The following ZNF407 variants were observed in gnomAD, a reference collection of about 807,000 sequenced individuals.
The protein encoded by ZNF407 is zinc finger protein 407.
ZNF407 carries 17 observed loss-of-function variants against 131.2 expected under a neutral mutation model. The ratio of observed to expected loss-of-function variants is 0.13; its 90% CI spans 0.09 to 0.19. The LOEUF is 0.19. Ranked by LOEUF, ZNF407 falls within the 10% of genes least tolerant of loss-of-function variation. The probability of loss-of-function intolerance (pLI) is 1.00; values close to 1 mark genes in which losing one functional copy is unlikely to be tolerated. For synonymous variants in ZNF407, 1,156 were observed against 1,062.0 expected (o/e 1.09, Z -1.72); for missense variants, 2,681 against 2,830.6 (o/e 0.95, Z 1.20).
chr18:74,867,767 C>T (rs72977460), intron 4 of ZNF407, among the ~76,000 whole-genome samples: 20,427 of 152,128 alleles, frequency 0.13, 1,446 homozygotes, highest in Middle Eastern at 0.27. Context: ...TATTTTCTAG[C>T]CATACTATTA....
chr18:75,019,197 A>G (rs1973078506), intron 8 of ZNF407, among the ~76,000 whole-genome samples: 1 of 152,204 alleles, frequency 6.6e-6, no homozygotes, highest in South Asian at 2.1e-4. Context: ...TTTATCCCAC[A>G]AAAAATTTGA....
At chr18:74,686,467 A>G (rs1288392298) in intron 3 of ZNF407, among the ~76,000 whole-genome samples, 2 of 152,144 alleles carry the variant, frequency 1.3e-5, no homozygotes, top group Non-Finnish European at 1.5e-5. Context: ...TGCCAGGCCC[A>G]GGTCTGTATT....
intron 8 of ZNF407, among the ~76,000 whole-genome samples, chr18:74,989,842 CAAA>C (rs34483149): frequency 9.7e-6 from 1 of 103,404 alleles, no homozygotes. Flanking sequence ...AACTCTGTCT[CAAA>C]AAAAAAAAAA....
At chr18:74,882,929 C>A (rs1971257536) in intron 6 of ZNF407, among the ~76,000 whole-genome samples, 1 of 152,194 alleles carries the variant, frequency 6.6e-6, no homozygotes, top group African/African-American at 2.4e-5. Flanking sequence ...TTGAAGTTCA[C>A]CTTGTCCCAC....
chr18:75,059,539 A>G (rs1439150910), intron 8 of ZNF407, among the ~76,000 whole-genome samples: 2 of 152,226 alleles, frequency 1.3e-5, no homozygotes, highest in Admixed American at 6.5e-5. Context: ...ACGGACAGAA[A>G]CAAATCAAGG....
intron 8 of ZNF407, among the ~76,000 whole-genome samples, chr18:74,941,214 A>G (rs528329880): frequency 1.3e-5 from 2 of 152,326 alleles, no homozygotes; most frequent in African/African-American, 4.8e-5. Flanking sequence ...AGCAATAACA[A>G]AGGACTTTCA....
intron 4 of ZNF407, among the ~76,000 whole-genome samples, chr18:74,789,570 C>T (rs899827839): frequency 6.6e-6 from 1 of 152,132 alleles, no homozygotes; most frequent in Non-Finnish European, 1.5e-5. Context: ...TTTCCTCTGT[C>T]TGTAAGAGAA....
At chr18:74,658,259 C>T (rs1408445063) in intron 3 of ZNF407, among the ~76,000 whole-genome samples, 1 of 152,082 alleles carries the variant, frequency 6.6e-6, no homozygotes, top group East Asian at 1.9e-4. Flanking sequence ...GCTGGGATTA[C>T]AGGAATGCGC....
chr18:74,917,412 G>T (rs1971787739), intron 7 of ZNF407, among the ~76,000 whole-genome samples: 1 of 152,102 alleles, frequency 6.6e-6, no homozygotes, highest in Non-Finnish European at 1.5e-5. Flanking sequence ...ATCTGTATAA[G>T]AATATATGTG....
chr18:74,921,289 A>G (rs929581473), intron 8 of ZNF407, among the ~76,000 whole-genome samples: 64 of 152,182 alleles, frequency 4.2e-4, no homozygotes, highest in Non-Finnish European at 1.6e-4. Flanking sequence ...GGTGTCAGCG[A>G]TGTGGCTGCA....
intron 6 of ZNF407, among the ~76,000 whole-genome samples, chr18:74,884,329 C>T (rs1481930014): frequency 2.0e-5 from 3 of 152,000 alleles, no homozygotes; most frequent in African/African-American, 7.2e-5. Context: ...GAAGAAATTA[C>T]CCATAAAAGA....
intron 3 of ZNF407, among the ~76,000 whole-genome samples, chr18:74,777,326 G>A (rs72973350): frequency 0.15 from 22,890 of 151,964 alleles, 2,171 homozygotes; most frequent in Non-Finnish European, 0.21. Flanking sequence ...ATACTTGTAA[G>A]TCGATCAATA....
chr18:74,759,244 CTT>C (rs1401226820), intron 3 of ZNF407, among the ~76,000 whole-genome samples: 12 of 152,082 alleles, frequency 7.9e-5, no homozygotes, highest in African/African-American at 2.9e-4. Context: ...GGATGACTGA[CTT>C]GACTCTGTTG....
intron 4 of ZNF407, among the ~76,000 whole-genome samples, chr18:74,792,419 CTCTTT>C (rs1969843259): frequency 6.6e-6 from 1 of 150,414 alleles, no homozygotes; most frequent in Admixed American, 6.7e-5. Flanking sequence ...AATGCCTTTT[CTCTTT>C]TCTTATTTAT....
chr18:75,016,668 T>G (rs184807914), intron 8 of ZNF407, among the ~76,000 whole-genome samples: 20 of 152,264 alleles, frequency 1.3e-4, no homozygotes, highest in South Asian at 2.1e-4. Context: ...CAACTGAATG[T>G]GTTATCATTG....
chr18:74,901,686 CT>C (rs1477715715), intron 7 of ZNF407, among the ~76,000 whole-genome samples: 18 of 152,114 alleles, frequency 1.2e-4, no homozygotes, highest in Non-Finnish European at 2.1e-4. Flanking sequence ...TTTTTAATTG[CT>C]TCCTTCCAAT....
At chr18:74,627,770 TTC>T (rs1326230778) in intron 1 of ZNF407, among the ~76,000 whole-genome samples, 1 of 130,910 alleles carries the variant, frequency 7.6e-6, no homozygotes, top group East Asian at 2.0e-4. Flanking sequence ...TTGTTCAGTT[TTC>T]TCTCTTTCTC....
At chr18:75,011,834 T>C (rs1247992212) in intron 8 of ZNF407, among the ~76,000 whole-genome samples, 1 of 152,186 alleles carries the variant, frequency 6.6e-6, no homozygotes, top group Non-Finnish European at 1.5e-5. Context: ...TTGTTTGAAA[T>C]ACTTCCAAGA....
Position 74,635,058 on chromosome 18 carries a change from G to A in ZNF407, c.4039G>A (p.Gly1347Arg), listed in dbSNP as rs1984384091. Residue 1347 changes from glycine (G) to arginine (R), a missense_variant, in exon 2 of 9, where the codon GGG becomes AGG. Coordinates refer to ENST00000299687, the MANE Select transcript of ZNF407 (RefSeq NM_017757.3). The surrounding 1 kb of genome is among the most constrained non-coding windows in gnomAD (Gnocchi z 4.7). ...YETIISIDDK[G>R]QAMYSFGRFD... ...AACTATAATTAGTATTGATGATAAAGGGCAGGCCATGTACAGTTTTGGTCG... is the reference window on the plus strand; with the variant it reads ...AACTATAATTAGTATTGATGATAAAAGGCAGGCCATGTACAGTTTTGGTCG... 1.9e-6 allele frequency: 3 copies of A among 1,613,950 alleles called. No homozygotes were observed. The highest frequency in any genetic ancestry group is 2.5e-6 in the Non-Finnish European group (3 of 1,179,894).
Sources: gnomAD v4.1 joint callset for allele counts (sites outside exome capture counted in the v4.1 genomes callset) on GRCh38, gnomAD v4.1.1 for gene constraint, Gnocchi (gnomAD v3.1) non-coding constraint, MANE v1.5 for transcripts, NCBI Gene and HGNC (gene_info 2026-07-23, HGNC 2026-07-21) for gene names.